RAC3: variants seen among roughly 807,000 people sequenced by gnomAD.
The protein encoded by RAC3 is ras-related C3 botulinum toxin substrate 3.
In RAC3, 9 loss-of-function variants were observed where a neutral mutation model predicts 19.0. The observed-to-expected ratio is 0.47, with a 90% CI of 0.29 to 0.83. The LOEUF is 0.83. RAC3 is among the 40% of genes least tolerant of loss of function. The probability of loss-of-function intolerance (pLI) is 0.09; values close to 1 mark genes in which losing one functional copy is unlikely to be tolerated. For missense variants in RAC3, 203 were observed against 260.8 expected (o/e 0.78, Z 1.53); for synonymous variants, 146 against 111.8 (o/e 1.31, Z -1.93).
rs1329209235 is a variant in RAC3, at chr17:82,032,444, G to A, written c.93G>A (p.Glu31=). 6.2e-7 allele frequency: 1 copy of A among 1,613,070 alleles called. No homozygotes were observed. ...ACACGACCAACGCCTTCCCCGGAGA[G>A]TACATCCCCACCGTGTGAGTGTGGG... ...ISYTTNAFPG[E]YIPTVFDNYS... The change falls in exon 2 of 6, where the codon GAG becomes GAA. Residue 31 remains glutamate (E), a synonymous_variant. Coordinates refer to ENST00000306897, the MANE Select transcript of RAC3 (RefSeq NM_005052.3).
intron 1 of RAC3, 120 bp downstream of exon 1, chr17:82,031,916 T>G: frequency 1.4e-5 from 4 of 291,192 alleles, no homozygotes; most frequent in Non-Finnish European, 1.8e-5. Flanking sequence ...GGCCCCGCCG[T>G]ACCCCGCCCG....
chr17:82,033,949 G>C lies in RAC3; in HGVS notation c.*120G>C. 1 of 1,294,986 alleles carries C rather than the reference G, an allele frequency of 7.7e-7. No individual in the cohort carries two copies. Among genetic ancestry groups the C allele is most frequent in the Non-Finnish European group, 1.0e-6 (1 of 955,170 alleles). 80.2% of individuals were successfully genotyped at this position (1,294,986 alleles called of 1,614,324 possible). On this transcript the variant is annotated 3_prime_UTR_variant, in exon 6 of 6. Coordinates refer to ENST00000306897, the MANE Select transcript of RAC3 (RefSeq NM_005052.3). The surrounding 1 kb of genome is among the most constrained non-coding windows in gnomAD (Gnocchi z 6.2). ...GGGGAGCGGTGGGGGTGGGCCGGGG[G>C]GAAGCATGGGGATGAGGCTGGGTGG...
At chr17:82,032,201 G>C in intron 1 of RAC3, 186 bp from the exon 2 acceptor site, 1 of 609,434 alleles carries the variant, frequency 1.6e-6, no homozygotes, top group South Asian at 2.0e-5. Context: ...CACCACCCCA[G>C]CCCCCGGAGC....
Position 82,033,242 on chromosome 17 carries a change from G to C in RAC3, c.289-198G>C, listed in dbSNP as rs761706904. Among the ~76,000 whole-genome samples the C allele has an allele frequency of 4.9e-4, 74 of 152,148 alleles. No homozygotes were observed. Among genetic ancestry groups the C allele is most frequent in the Admixed American group, 2.0e-3 (30 of 15,280 alleles). ...GGATGGGCCTTGACTAGGAGGCCCT[G>C]GGAGGTCTCCAGGTTCCCTGGCTGC... On this transcript the variant is annotated intron_variant, in intron 4 of 5. Transcript: ENST00000306897. This position sits in a 1 kb window ranked among gnomAD's most constrained non-coding sequence, Gnocchi z 6.2.
In RAC3 at chr17:82,033,863, G is replaced by T; in HGVS notation, c.*34G>T. 3.8e-6 allele frequency: 6 copies of T among 1,565,836 alleles called. No individual in the cohort carries two copies. Among genetic ancestry groups the T allele is most frequent in the South Asian group, 1.2e-5 (1 of 86,402 alleles). Reference sequence around the variant, plus strand: ...CCCACCCGAGCCTGAGGGCTGGCGGGGAGCAGCCCTGGACGTGTCCGCTGT... The same window carrying T: ...CCCACCCGAGCCTGAGGGCTGGCGGTGAGCAGCCCTGGACGTGTCCGCTGT... On this transcript the variant is annotated 3_prime_UTR_variant, in exon 6 of 6. Transcript: ENST00000306897. This position sits in a 1 kb window ranked among gnomAD's most constrained non-coding sequence, Gnocchi z 6.2.
Position 82,032,513 on chromosome 17 carries a change from G to A in RAC3, c.107+55G>A, listed in dbSNP as rs927009704. 5.7e-6 allele frequency: 9 copies of A among 1,586,736 alleles called. No homozygotes were observed. The African/African-American group carries it at 9.4e-5, about 17-fold the overall frequency. ...AGGCCCTCCGTGTGAGTGTGGCATG[G>A]GGGGGACACGGGCAGGGTCTCCTCT... On this transcript the variant is annotated intron_variant, in intron 2 of 5. Transcript: ENST00000306897.
chr17:82,034,021 C>T lies in RAC3; in HGVS notation c.*192C>T, dbSNP rs1312300970. ...GCCTCATTCTGGGGTGTGGCTCCAG[C>T]CTTCCCTGGCCCCCGCCGGAGGCCG... On this transcript the variant is annotated 3_prime_UTR_variant, in exon 6 of 6. Transcript: ENST00000306897. The T allele has an allele frequency of 6.0e-6, 4 of 670,972 alleles. No individual in the cohort carries two copies. The highest frequency in any genetic ancestry group is 3.5e-5 in the Admixed American group (1 of 28,400). 41.6% of individuals were successfully genotyped at this position (670,972 alleles called of 1,614,324 possible). A position where few individuals can be genotyped will look rare whatever the true frequency, so the allele number is the denominator to read the frequency against.
chr17:82,031,842 G>C, intron 1 of RAC3, 46 bp downstream of exon 1: 1 of 890,500 alleles, frequency 1.1e-6, no homozygotes, highest in Non-Finnish European at 1.3e-6. Flanking sequence ...GGGCGGGAGG[G>C]GGGCTCGGGG....
At position 82,033,409 on chromosome 17, in the gene RAC3, G is replaced by A. The variant is rs1042297933; in HGVS notation, c.289-31G>A. The A allele has an allele frequency of 1.3e-6, 2 of 1,555,476 alleles. No individual in the cohort carries two copies. Among genetic ancestry groups the A allele is most frequent in the Non-Finnish European group, 1.7e-6 (2 of 1,151,456 alleles). The stretch of plus-strand genomic sequence containing the variant: ...GGTGGGGCTGGGGTAGCCGACTCCG[G>A]GCCTAGGGATCAGAGCGTCTGTCCC... On this transcript the variant is annotated intron_variant, in intron 4 of 5. Transcript: ENST00000306897. The surrounding 1 kb of genome is among the most constrained non-coding windows in gnomAD (Gnocchi z 6.2).
At position 82,032,744 on chromosome 17, in the gene RAC3, C is replaced by G; in HGVS notation, c.141C>G (p.Asp47Glu). The G allele has an allele frequency of 6.2e-7, 1 of 1,613,120 alleles. No homozygotes were observed. The highest frequency in any genetic ancestry group is 8.5e-7 in the Non-Finnish European group (1 of 1,179,996). Residue 47 changes from aspartate to glutamate, a missense_variant, in exon 3 of 6, where the codon GAC becomes GAG. Transcript: ENST00000306897. ...FDNYSANVMV[D>E]GKPVNLGLWD... ...ACTACTCTGCCAACGTGATGGTGGA[C>G]GGGAAACCAGTCAACTTGGGGCTGT...
chr17:82,033,066 A>G lies in RAC3; in HGVS notation c.288+57A>G. On this transcript the variant is annotated intron_variant, in intron 4 of 5. Transcript: ENST00000306897. This position sits in a 1 kb window ranked among gnomAD's most constrained non-coding sequence, Gnocchi z 6.2. ...AGGGCTTGCCCCAGTACCTGCCCCGACAAGTTGTCCTTTAGAGGCAATTGC... is the reference window on the plus strand; with the variant it reads ...AGGGCTTGCCCCAGTACCTGCCCCGGCAAGTTGTCCTTTAGAGGCAATTGC... 4 of 1,542,020 alleles carry G rather than the reference A, an allele frequency of 2.6e-6. No homozygotes were observed. Among genetic ancestry groups the G allele is most frequent in the Non-Finnish European group, 3.6e-6 (4 of 1,120,342 alleles).
In RAC3 at chr17:82,033,058, C is replaced by T. The variant is rs374909611; in HGVS notation, c.288+49C>T. The T allele has an allele frequency of 5.8e-6, 9 of 1,553,738 alleles. No homozygotes were observed. In the African/African-American group the frequency reaches 9.5e-5, roughly 16 times the overall value. ...GTGGGGAGAGGGCTTGCCCCAGTAC[C>T]TGCCCCGACAAGTTGTCCTTTAGAG... On this transcript the variant is annotated intron_variant, in intron 4 of 5. Transcript: ENST00000306897. The surrounding 1 kb of genome is among the most constrained non-coding windows in gnomAD (Gnocchi z 6.2).
At position 82,034,008 on chromosome 17, in the gene RAC3, G is replaced by A; in HGVS notation, c.*179G>A. 1.2e-6 allele frequency: 1 copy of A among 829,718 alleles called. No homozygotes were observed. Among genetic ancestry groups the A allele is most frequent in the Non-Finnish European group, 1.8e-6 (1 of 564,512 alleles). The allele number at this position is 829,718 out of a possible 1,614,324, so 51.4% of individuals were successfully genotyped here. A position where few individuals can be genotyped will look rare whatever the true frequency, so the allele number is the denominator to read the frequency against. ...TGTCCTCTCTGCCGCCTCATTCTGG[G>A]GTGTGGCTCCAGCCTTCCCTGGCCC... On this transcript the variant is annotated 3_prime_UTR_variant, in exon 6 of 6. Transcript: ENST00000306897.
chr17:82,033,299 C>T lies in RAC3; in HGVS notation c.289-141C>T, dbSNP rs1274430775. 16 of 1,076,352 alleles carry T rather than the reference C, an allele frequency of 1.5e-5. No homozygotes were observed. The highest frequency in any genetic ancestry group is 2.6e-5 in the East Asian group (1 of 38,470). The allele number at this position is 1,076,352 out of a possible 1,614,324, so 66.7% of individuals were successfully genotyped here. On this transcript the variant is annotated intron_variant, in intron 4 of 5. Coordinates refer to ENST00000306897, the MANE Select transcript of RAC3 (RefSeq NM_005052.3). This position sits in a 1 kb window ranked among gnomAD's most constrained non-coding sequence, Gnocchi z 6.2. Reference sequence around the variant, plus strand: ...GTTCCTGGTATCTCCCCACCAAATCCGCCCCTGGTCACCCCTTGAAGGAAG... The same window carrying T: ...GTTCCTGGTATCTCCCCACCAAATCTGCCCCTGGTCACCCCTTGAAGGAAG...
intron 1 of RAC3, chr17:82,032,005 A>G (rs1351278632): frequency 5.3e-6 from 1 of 188,188 alleles, no homozygotes; most frequent in Non-Finnish European, 1.0e-5. Context: ...GGCCCACCTG[A>G]TGCTGCCCGG....
At position 82,033,122 on chromosome 17, in the gene RAC3, G is replaced by C; in HGVS notation, c.288+113G>C. 1 of 1,221,098 alleles carries C rather than the reference G, an allele frequency of 8.2e-7. No homozygotes were observed. The highest frequency in any genetic ancestry group is 1.2e-6 in the Non-Finnish European group (1 of 845,596). 75.6% of individuals were successfully genotyped at this position (1,221,098 alleles called of 1,614,324 possible). A position where few individuals can be genotyped will look rare whatever the true frequency, so the allele number is the denominator to read the frequency against. ...GGGTTCTGCCTGGGGTAGGCACACG[G>C]AGTGGGGTCTGAAGATGACCATGGG... On this transcript the variant is annotated intron_variant, in intron 4 of 5. Transcript: ENST00000306897. This position sits in a 1 kb window ranked among gnomAD's most constrained non-coding sequence, Gnocchi z 6.2.
Position 82,033,942 on chromosome 17 carries a change from G to T in RAC3, c.*113G>T. ...CGGCTGTGGGGAGCGGTGGGGGTGG[G>T]CCGGGGGGAAGCATGGGGATGAGGC... On this transcript the variant is annotated 3_prime_UTR_variant, in exon 6 of 6. Coordinates refer to ENST00000306897, the MANE Select transcript of RAC3 (RefSeq NM_005052.3). The surrounding 1 kb of genome is among the most constrained non-coding windows in gnomAD (Gnocchi z 6.2). The T allele has an allele frequency of 1.5e-6, 2 of 1,372,926 alleles. No individual in the cohort carries two copies. The highest frequency in any genetic ancestry group is 2.8e-5 in the South Asian group (2 of 71,412). 85.0% of individuals were successfully genotyped at this position (1,372,926 alleles called of 1,614,324 possible).
chr17:82,033,605 T>TAGGC lies in RAC3; in HGVS notation c.448+7_448+10dup, dbSNP rs1266379762. The TAGGC allele has an allele frequency of 6.2e-7, 1 of 1,607,488 alleles. No homozygotes were observed. Among genetic ancestry groups the TAGGC allele is most frequent in the Non-Finnish European group, 8.5e-7 (1 of 1,176,298 alleles). ...GGCCATGGCCCGGGAGATTGGTGGG[T>TAGGC]AGGCGCTGGCGGCCTGCAGGGGAGG... On this transcript the variant is annotated splice_region_variant and intron_variant, in intron 5 of 5. Coordinates refer to ENST00000306897, the MANE Select transcript of RAC3 (RefSeq NM_005052.3). This position sits in a 1 kb window ranked among gnomAD's most constrained non-coding sequence, Gnocchi z 6.2.
intron 2 of RAC3, 64 bp downstream of exon 2, chr17:82,032,522 C>G: frequency 6.4e-7 from 1 of 1,574,258 alleles, no homozygotes; most frequent in South Asian, 1.1e-5. Flanking sequence ...GGGGGGGACA[C>G]GGGCAGGGTC....
Sources: gnomAD v4.1 joint callset for allele counts (sites outside exome capture counted in the v4.1 genomes callset) on GRCh38, gnomAD v4.1.1 for gene constraint, Gnocchi (gnomAD v3.1) non-coding constraint, MANE v1.5 for transcripts, NCBI Gene and HGNC (gene_info 2026-07-23, HGNC 2026-07-21) for gene names.